The following GALNT18 variants were observed in gnomAD, a reference collection of about 807,000 sequenced individuals.
GALNT18 encodes the protein GalNAc-transferase 18.
GALNT18 carries 44 observed loss-of-function variants against 69.5 expected under a neutral mutation model. The observed-to-expected ratio is 0.63, with a 90% CI of 0.50 to 0.81. GALNT18 has a LOEUF of 0.81. GALNT18 is among the 40% of genes least tolerant of loss of function. GALNT18 has a pLI of 0.00. For synonymous variants in GALNT18, 364 were observed against 318.2 expected (o/e 1.14, Z -1.53); for missense variants, 715 against 810.0 (o/e 0.88, Z 1.42).
At chr11:11,521,767 C>T (rs1447373265) in intron 1 of GALNT18, among the ~76,000 whole-genome samples, 3 of 152,106 alleles carry the variant, frequency 2.0e-5, no homozygotes, top group East Asian at 3.9e-4. Flanking sequence ...GTGACTCAGG[C>T]GAGCCCACTC....
chr11:11,279,991 G>A (rs1849035341), intron 10 of GALNT18, among the ~76,000 whole-genome samples: 1 of 152,162 alleles, frequency 6.6e-6, no homozygotes, highest in Admixed American at 6.5e-5. Context: ...GGGTGCGGGT[G>A]GAGGGGACTG....
At chr11:11,553,912 A>G (rs939684351) in intron 1 of GALNT18, among the ~76,000 whole-genome samples, 1 of 152,196 alleles carries the variant, frequency 6.6e-6, no homozygotes, top group African/African-American at 2.4e-5. Context: ...GCAGCCCCGG[A>G]AAATTTGCCA....
chr11:11,554,461 C>G (rs1011344235), intron 1 of GALNT18, among the ~76,000 whole-genome samples: 7 of 150,680 alleles, frequency 4.6e-5, no homozygotes, highest in Middle Eastern at 3.5e-3. Flanking sequence ...CTGTGCTTGT[C>G]AGCAAGTGTT....
intron 10 of GALNT18, among the ~76,000 whole-genome samples, chr11:11,279,224 T>G (rs1849014316): frequency 6.6e-6 from 1 of 152,222 alleles, no homozygotes; most frequent in African/African-American, 2.4e-5. Flanking sequence ...AGCAAAAGCT[T>G]CCTGTACAGC....
At chr11:11,398,356 T>A (rs1414659721) in intron 3 of GALNT18, among the ~76,000 whole-genome samples, 3 of 152,212 alleles carry the variant, frequency 2.0e-5, no homozygotes, top group African/African-American at 7.2e-5. Flanking sequence ...AAGGGCTAAA[T>A]AGTCACCATA....
At chr11:11,549,883 A>G (rs1858149776) in intron 1 of GALNT18, among the ~76,000 whole-genome samples, 1 of 152,156 alleles carries the variant, frequency 6.6e-6, no homozygotes, top group Non-Finnish European at 1.5e-5. Context: ...GGAGGGGAGG[A>G]AGTCATGCTG....
chr11:11,341,924 C>T lies in GALNT18; in HGVS notation c.1093-920G>A, dbSNP rs1282779741. On this transcript the variant is annotated intron_variant, in intron 6 of 10. Coordinates refer to ENST00000227756, the MANE Select transcript of GALNT18 (RefSeq NM_198516.3). This position sits in a 1 kb window ranked among gnomAD's most constrained non-coding sequence, Gnocchi z 6.3. ...ATCGCTTGAGCCCAGGAGTGTGAGA[C>T]AAGCCTGGGCAACATAGTGAGATCC... Among the ~76,000 whole-genome samples the T allele has an allele frequency of 6.6e-6, 1 of 151,998 alleles. No individual in the cohort carries two copies. Among genetic ancestry groups the T allele is most frequent in the African/African-American group, 2.4e-5 (1 of 41,364 alleles).
In GALNT18 at chr11:11,562,362, A is replaced by T. The variant is rs1858531981; in HGVS notation, c.235+58997T>A. ...TAGATGTGCACACCCGTCATATTGG[A>T]TTGGGGCCCACCCCAATGACCTCAT... On this transcript the variant is annotated intron_variant, in intron 1 of 10. Coordinates refer to ENST00000227756, the MANE Select transcript of GALNT18 (RefSeq NM_198516.3). This position sits in a 1 kb window ranked among gnomAD's most constrained non-coding sequence, Gnocchi z 4.1. Among the ~76,000 whole-genome samples, 1 of 152,116 alleles carries T rather than the reference A, an allele frequency of 6.6e-6. No individual in the cohort carries two copies. The highest frequency in any genetic ancestry group is 2.4e-5 in the African/African-American group (1 of 41,480).
At chr11:11,495,094 G>A (rs1344666878) in intron 1 of GALNT18, among the ~76,000 whole-genome samples, 1 of 152,026 alleles carries the variant, frequency 6.6e-6, no homozygotes, top group African/African-American at 2.4e-5. Flanking sequence ...CAGCCCATGA[G>A]ATGTGAATCA....
intron 6 of GALNT18, among the ~76,000 whole-genome samples, chr11:11,358,199 G>A (rs1850570499): frequency 7.1e-6 from 1 of 140,242 alleles, no homozygotes; most frequent in Non-Finnish European, 1.6e-5. Flanking sequence ...TAGTTTTATA[G>A]TTTTGGCTTT....
At position 11,293,101 on chromosome 11, in the gene GALNT18, G is replaced by A. The variant is rs1428529031; in HGVS notation, c.1605C>T (p.Asn535=). 1 of 1,379,352 alleles carries A rather than the reference G, an allele frequency of 7.2e-7. No individual in the cohort carries two copies. Among genetic ancestry groups the A allele is most frequent in the Non-Finnish European group, 9.5e-7 (1 of 1,057,546 alleles). 85.4% of individuals were successfully genotyped at this position (1,379,352 alleles called of 1,614,324 possible). A position where few individuals can be genotyped will look rare whatever the true frequency, so the allele number is the denominator to read the frequency against. ...DDDNRCLVDV[N]SRPRLIECSY... Reference sequence around the variant, plus strand: ...TGCATTCGATGAGCCGGGGCCGGCTGTTGACGTCCACCAGGCATCGGTTGT... The same window carrying A: ...TGCATTCGATGAGCCGGGGCCGGCTATTGACGTCCACCAGGCATCGGTTGT... Residue 535 remains asparagine (N), a synonymous_variant, in exon 10 of 11, where the codon AAC becomes AAT. Coordinates refer to ENST00000227756, the MANE Select transcript of GALNT18 (RefSeq NM_198516.3).
intron 1 of GALNT18, among the ~76,000 whole-genome samples, chr11:11,462,339 T>C (rs1363634515): frequency 6.6e-6 from 1 of 151,508 alleles, no homozygotes; most frequent in Non-Finnish European, 1.5e-5. Flanking sequence ...TGCAGTGGCA[T>C]GATCTCAGCT....
intron 1 of GALNT18, among the ~76,000 whole-genome samples, chr11:11,517,363 C>G (rs563390684): frequency 6.6e-6 from 1 of 152,310 alleles, no homozygotes; most frequent in South Asian, 2.1e-4. Flanking sequence ...TACTGGGATT[C>G]TGAATCCTGT....
chr11:11,317,273 T>C (rs1348136822), intron 9 of GALNT18, among the ~76,000 whole-genome samples: 3 of 152,230 alleles, frequency 2.0e-5, no homozygotes, highest in Non-Finnish European at 2.9e-5. Flanking sequence ...TAAATGGCAC[T>C]GAAGCACAGT....
chr11:11,352,281 C>A, intron 6 of GALNT18: 4 of 1,614,080 alleles, frequency 2.5e-6, no homozygotes, highest in Non-Finnish European at 3.4e-6. Context: ...GCGTTCCCAT[C>A]GCTTTCGAGA....
rs1346961561 is a variant in GALNT18, at chr11:11,314,317, AT to A, written c.1512+12768del. Among the ~76,000 whole-genome samples the A allele has an allele frequency of 5.3e-5, 8 of 152,144 alleles. No homozygotes were observed. The highest frequency in any genetic ancestry group is 1.0e-4 in the Non-Finnish European group (7 of 68,022). On this transcript the variant is annotated intron_variant, in intron 9 of 10. Coordinates refer to ENST00000227756, the MANE Select transcript of GALNT18 (RefSeq NM_198516.3). This position sits in a 1 kb window ranked among gnomAD's most constrained non-coding sequence, Gnocchi z 5.2. ...GCAAAACTCACTGTTTACAACTCTA[AT>A]TGTGGAGTTTGGACATGAAGTGAAG...
rs113258671 is a variant in GALNT18, at chr11:11,358,298, T to C, written c.1092+14217A>G. Among the ~76,000 whole-genome samples, 259 of 140,848 alleles carry C rather than the reference T, an allele frequency of 1.8e-3. 38 individuals are homozygous for C. The highest frequency in any genetic ancestry group is 6.0e-3 in the African/African-American group (230 of 38,224). 92.4% of individuals were successfully genotyped at this position (140,848 alleles called of 152,430 possible). On this transcript the variant is annotated intron_variant, in intron 6 of 10. Transcript: ENST00000227756. ...AATACATCTTCACTGTATGAATGAATAGACAGATGAATAATGCAAGCTTTT... is the reference window on the plus strand; with the variant it reads ...AATACATCTTCACTGTATGAATGAACAGACAGATGAATAATGCAAGCTTTT...
At chr11:11,560,117 A>AATGGG (rs1264758947) in intron 1 of GALNT18, among the ~76,000 whole-genome samples, 1 of 2,362 alleles carries the variant, frequency 4.2e-4, no homozygotes, top group African/African-American at 1.7e-3. Context: ...AATAAGATAC[A>AATGGG]ATGGGATGGG....
At chr11:11,274,724 C>T (rs943848449) in intron 10 of GALNT18, among the ~76,000 whole-genome samples, 15 of 152,272 alleles carry the variant, frequency 9.9e-5, no homozygotes, top group African/African-American at 2.9e-4. Flanking sequence ...TGACAAGCCC[C>T]AGTGTGTGAT....
Sources: allele counts gnomAD v4.1 joint callset (sites outside exome capture counted in the v4.1 genomes callset), GRCh38; gene constraint gnomAD v4.1.1; non-coding constraint Gnocchi (gnomAD v3.1); transcripts MANE v1.5; gene names NCBI Gene and HGNC (gene_info 2026-07-23, HGNC 2026-07-21).